Variants in ATRNL1 observed in about 807,000 individuals in gnomAD.
The protein encoded by ATRNL1 is attractin-like protein 1.
Under a neutral mutation model 182.7 loss-of-function variants are expected in ATRNL1, and 95 were observed. The ratio of observed to expected loss-of-function variants is 0.52; its 90% CI spans 0.44 to 0.62. The LOEUF (loss-of-function observed/expected upper bound fraction) is 0.62, where lower values mean the gene tolerates loss of function less well. Ranked by LOEUF, ATRNL1 falls within the 20% of genes least tolerant of loss-of-function variation. The pLI, the probability that ATRNL1 is intolerant of heterozygous loss-of-function variation, is 0.00. For missense variants in ATRNL1, 1,471 were observed against 1,679.5 expected (o/e 0.88, Z 2.17); for synonymous variants, 576 against 568.3 (o/e 1.01, Z -0.19).
chr10:115,246,874 T>C (rs1477038440), intron 10 of ATRNL1, among the ~76,000 whole-genome samples: 1 of 152,130 alleles, frequency 6.6e-6, no homozygotes, highest in Non-Finnish European at 1.5e-5. Flanking sequence ...CTCTCATTCT[T>C]AACAAGTCTG....
At chr10:115,934,624 G>A (rs964277172) in intron 28 of ATRNL1, among the ~76,000 whole-genome samples, 16 of 151,930 alleles carry the variant, frequency 1.1e-4, no homozygotes, top group Admixed American at 3.9e-4. Flanking sequence ...TGTCCATCCC[G>A]TTTATCTCTC....
At chr10:115,257,126 T>C (rs2133859309) in intron 10 of ATRNL1, among the ~76,000 whole-genome samples, 1 of 152,196 alleles carries the variant, frequency 6.6e-6, no homozygotes, top group African/African-American at 2.4e-5. Flanking sequence ...GGGTGGAGAG[T>C]TCTGTAGATG....
intron 26 of ATRNL1, among the ~76,000 whole-genome samples, chr10:115,682,268 G>A (rs1946071011): frequency 6.6e-6 from 1 of 152,128 alleles, no homozygotes; most frequent in Non-Finnish European, 1.5e-5. Context: ...GCCAGGCATG[G>A]TGGCTCACAC....
chr10:115,465,080 A>T (rs1465832151), intron 22 of ATRNL1, among the ~76,000 whole-genome samples: 1 of 151,802 alleles, frequency 6.6e-6, no homozygotes, highest in African/African-American at 2.4e-5. Flanking sequence ...AGAGATTAGA[A>T]AAATGATTTT....
intron 28 of ATRNL1, among the ~76,000 whole-genome samples, chr10:115,873,362 A>G (rs963823423): frequency 5.9e-5 from 9 of 152,210 alleles, no homozygotes; most frequent in African/African-American, 1.9e-4. Flanking sequence ...ATCCAAAAGT[A>G]AATTTTAGTA....
At chr10:115,624,204 A>G (rs1397910871) in intron 26 of ATRNL1, among the ~76,000 whole-genome samples, 4 of 152,016 alleles carry the variant, frequency 2.6e-5, no homozygotes, top group Non-Finnish European at 5.9e-5. Context: ...GCATACAATA[A>G]TAAATTTTAA....
At chr10:115,204,172 T>A (rs993862308) in intron 8 of ATRNL1, among the ~76,000 whole-genome samples, 4 of 152,128 alleles carry the variant, frequency 2.6e-5, no homozygotes, top group Admixed American at 6.6e-5. Context: ...ACGGAATTTT[T>A]AAATTTTTTT....
chr10:115,684,877 C>A (rs1194688540), intron 26 of ATRNL1, among the ~76,000 whole-genome samples: 5 of 151,698 alleles, frequency 3.3e-5, no homozygotes, highest in Non-Finnish European at 7.4e-5. Context: ...AAATGTTAGT[C>A]TTCCTCCTCA....
At chr10:115,439,564 T>A (rs971489195) in intron 21 of ATRNL1, among the ~76,000 whole-genome samples, 1 of 152,022 alleles carries the variant, frequency 6.6e-6, no homozygotes, top group Non-Finnish European at 1.5e-5. Context: ...TGATACTCTG[T>A]GTTAGGGTGA....
chr10:115,638,259 CA>C (rs1859018636), intron 26 of ATRNL1, among the ~76,000 whole-genome samples: 1 of 152,108 alleles, frequency 6.6e-6, no homozygotes, highest in South Asian at 2.1e-4. Flanking sequence ...GTCTTCAGTA[CA>C]GTAACATGCT....
chr10:115,154,947 A>G (rs1461143776), intron 5 of ATRNL1, among the ~76,000 whole-genome samples: 1 of 152,120 alleles, frequency 6.6e-6, no homozygotes, highest in Admixed American at 6.6e-5. Flanking sequence ...TTCTTCCTTT[A>G]AATGTAATAA....
chr10:115,859,238 A>G (rs1380088187), intron 28 of ATRNL1, among the ~76,000 whole-genome samples: 1 of 152,054 alleles, frequency 6.6e-6, no homozygotes, highest in Admixed American at 6.6e-5. Flanking sequence ...CATTCAGGCC[A>G]TAGCAGGCTT....
rs1554924580 is a variant in ATRNL1, at chr10:115,301,844, A to G, written c.2630-11A>G. ...AAAAATGAAATTATTGTATTTGTTT[A>G]TTTATTCCAGTTAGTCCAAATCAAA... On this transcript the variant is annotated splice_polypyrimidine_tract_variant and intron_variant, in intron 16 of 28. Transcript: ENST00000355044. 3.2e-6 allele frequency: 5 copies of G among 1,579,132 alleles called. No individual in the cohort carries two copies. The highest frequency in any genetic ancestry group is 4.6e-5 in the East Asian group (2 of 43,956).
chr10:115,133,459 A>G (rs949945565), intron 5 of ATRNL1, among the ~76,000 whole-genome samples: 24 of 152,212 alleles, frequency 1.6e-4, no homozygotes, highest in African/African-American at 5.8e-4. Flanking sequence ...GAAGGCCATT[A>G]CTTAATGGTA....
intron 3 of ATRNL1, among the ~76,000 whole-genome samples, chr10:115,124,822 T>C (rs1465997168): frequency 6.6e-6 from 1 of 152,166 alleles, no homozygotes; most frequent in African/African-American, 2.4e-5. Context: ...TCCCAAGAAC[T>C]GGGGACAAAA....
chr10:115,321,276 TG>T (rs1592444979), intron 18 of ATRNL1, among the ~76,000 whole-genome samples: 1 of 152,188 alleles, frequency 6.6e-6, no homozygotes, highest in Non-Finnish European at 1.5e-5. Context: ...CGCCTTCTTC[TG>T]GGATCTCTGA....
At chr10:115,662,584 A>C (rs1432770820) in intron 26 of ATRNL1, among the ~76,000 whole-genome samples, 2 of 152,192 alleles carry the variant, frequency 1.3e-5, no homozygotes, top group African/African-American at 4.8e-5. Context: ...TAGTTTTTAA[A>C]AGATATTTTA....
At chr10:115,640,394 C>T (rs551619346) in intron 26 of ATRNL1, among the ~76,000 whole-genome samples, 3 of 152,190 alleles carry the variant, frequency 2.0e-5, no homozygotes, top group Non-Finnish European at 4.4e-5. Flanking sequence ...CTCCCACCAA[C>T]AGTGTAAAAG....
intron 19 of ATRNL1, among the ~76,000 whole-genome samples, chr10:115,360,400 C>T (rs905033348): frequency 1.3e-4 from 20 of 151,728 alleles, no homozygotes; most frequent in African/African-American, 4.6e-4. Flanking sequence ...TTGCCTTTCT[C>T]TCTTCATGGC....
Sources: allele counts gnomAD v4.1 joint callset (sites outside exome capture counted in the v4.1 genomes callset), GRCh38; gene constraint gnomAD v4.1.1; transcripts MANE v1.5; gene names NCBI Gene and HGNC (gene_info 2026-07-23, HGNC 2026-07-21).